The following PTPRK variants were observed in gnomAD, a reference collection of about 807,000 sequenced individuals.
PTPRK encodes protein tyrosine phosphatase receptor type K.
A neutral mutation model predicts 178.0 loss-of-function variants in PTPRK; 75 were observed. That is an observed-to-expected ratio of 0.42 (90% CI 0.35 to 0.51). The LOEUF is 0.51. PTPRK is among the 20% of genes least tolerant of loss of function. The pLI is 0.02. For synonymous variants in PTPRK, 637 were observed against 620.6 expected, an observed-to-expected ratio of 1.03 and a Z score of -0.39; for missense variants, 1,441 against 1,797.8, an observed-to-expected ratio of 0.80 and a Z score of 3.59.
intron 11 of PTPRK, among the ~76,000 whole-genome samples, chr6:128,078,232 T>C (rs1247440046): frequency 6.6e-6 from 1 of 151,992 alleles, no homozygotes; most frequent in Non-Finnish European, 1.5e-5. Context: ...ATCTCAAAAA[T>C]GCCCTTAGAA....
At chr6:128,040,903 A>C (rs1777054676) in intron 13 of PTPRK, among the ~76,000 whole-genome samples, 1 of 152,120 alleles carries the variant, frequency 6.6e-6, no homozygotes, top group Non-Finnish European at 1.5e-5. Context: ...ACAAGATTCC[A>C]AAATTAGAAG....
At chr6:128,298,404 A>C (rs1824896085) in intron 3 of PTPRK, among the ~76,000 whole-genome samples, 1 of 150,996 alleles carries the variant, frequency 6.6e-6, no homozygotes, top group African/African-American at 2.5e-5. Flanking sequence ...CCTGATACCA[A>C]AGCCGGGCAG....
At chr6:128,120,661 T>A (rs536516001) in intron 7 of PTPRK, among the ~76,000 whole-genome samples, 51 of 152,042 alleles carry the variant, frequency 3.4e-4, no homozygotes, top group African/African-American at 1.2e-3. Flanking sequence ...TATTCTTAAC[T>A]GCACAAGAAA....
intron 13 of PTPRK, among the ~76,000 whole-genome samples, chr6:128,059,166 ATTG>A (rs1288554066): frequency 1.3e-5 from 2 of 152,084 alleles, no homozygotes; most frequent in African/African-American, 4.8e-5. Flanking sequence ...TTAGAATCAG[ATTG>A]TTAATTTTTT....
intron 21 of PTPRK, among the ~76,000 whole-genome samples, chr6:127,987,928 A>T (rs2114650334): frequency 6.6e-6 from 1 of 152,248 alleles, no homozygotes; most frequent in Admixed American, 6.5e-5. Context: ...TATTACTATA[A>T]ATATTTTGAA....
In PTPRK at chr6:128,303,881, T is replaced by C. The variant is rs139991349; in HGVS notation, c.495+18158A>G. ...CTGATTATTTCAATTACAACACTCATTTAACAATTATTTGAAGTCTAGATA... is the reference window on the plus strand; with the variant it reads ...CTGATTATTTCAATTACAACACTCACTTAACAATTATTTGAAGTCTAGATA... On this transcript the variant is annotated intron_variant, in intron 3 of 29. Transcript: ENST00000368226. Among the ~76,000 whole-genome samples the C allele has an allele frequency of 4.1e-3, 629 of 152,300 alleles. 4 individuals are homozygous for C. Among genetic ancestry groups the C allele is most frequent in the African/African-American group, 0.015 (603 of 41,564 alleles).
At chr6:128,472,345 CAT>C (rs1306972544) in intron 1 of PTPRK, among the ~76,000 whole-genome samples, 1 of 151,634 alleles carries the variant, frequency 6.6e-6, no homozygotes, top group African/African-American at 2.4e-5. Flanking sequence ...GGTGTGTGCA[CAT>C]GTGTGTTGCT....
intron 13 of PTPRK, among the ~76,000 whole-genome samples, chr6:128,050,149 AATAG>A (rs1370972878): frequency 2.0e-5 from 3 of 152,114 alleles, no homozygotes; most frequent in Non-Finnish European, 2.9e-5. Context: ...GAAAAAAAAA[AATAG>A]ATAGAGCAAA....
intron 7 of PTPRK, among the ~76,000 whole-genome samples, chr6:128,153,208 G>A (rs1383345403): frequency 1.3e-5 from 2 of 151,698 alleles, no homozygotes; most frequent in African/African-American, 4.8e-5. Flanking sequence ...CAAAATCAAA[G>A]AAAGACTAGA....
Position 128,520,359 on chromosome 6 carries a change from G to T in PTPRK, c.-1C>A, listed in dbSNP as rs1282446810. 3.1e-6 allele frequency: 5 copies of T among 1,604,060 alleles called. No homozygotes were observed. Among genetic ancestry groups the T allele is most frequent in the Non-Finnish European group, 4.3e-6 (5 of 1,174,970 alleles). ...GCGCCGCCGCCGCAGTCGTATCCAT[G>T]CCGAGTTTGGGAGAAGTTTCAAGCA... On this transcript the variant is annotated 5_prime_UTR_variant, in exon 1 of 30. Transcript: ENST00000368226.
chr6:128,472,419 C>T (rs1850806456), intron 1 of PTPRK, among the ~76,000 whole-genome samples: 2 of 89,304 alleles, frequency 2.2e-5, no homozygotes, highest in Admixed American at 1.1e-4. Flanking sequence ...GAATTTTTGA[C>T]ACCCCCCCCC....
At chr6:128,041,700 C>T (rs1203168440) in intron 13 of PTPRK, among the ~76,000 whole-genome samples, 2 of 151,498 alleles carry the variant, frequency 1.3e-5, no homozygotes, top group African/African-American at 4.8e-5. Context: ...TTTGAACTGC[C>T]ACTACATATA....
chr6:128,280,071 T>C (rs543272414), intron 3 of PTPRK, among the ~76,000 whole-genome samples: 5 of 152,272 alleles, frequency 3.3e-5, no homozygotes, highest in African/African-American at 1.2e-4. Flanking sequence ...ATGAATAATA[T>C]CAACAGAAAC....
chr6:127,998,458 C>T (rs1362855661), intron 16 of PTPRK, among the ~76,000 whole-genome samples: 1 of 151,510 alleles, frequency 6.6e-6, no homozygotes, highest in Non-Finnish European at 1.5e-5. Context: ...TTTTTTAATA[C>T]CATAGTAAAA....
At chr6:128,382,197 T>C (rs72974031) in intron 2 of PTPRK, among the ~76,000 whole-genome samples, 8,214 of 150,042 alleles carry the variant, frequency 0.055, 276 homozygotes, top group Non-Finnish European at 0.068. Flanking sequence ...TTCAATAATG[T>C]TGAAAGTATT....
intron 7 of PTPRK, among the ~76,000 whole-genome samples, chr6:128,145,766 T>G (rs938213842): frequency 2.6e-5 from 4 of 152,202 alleles, no homozygotes; most frequent in African/African-American, 9.6e-5. Context: ...TAATGTGTAT[T>G]CTATTATCTT....
intron 5 of PTPRK, among the ~76,000 whole-genome samples, chr6:128,233,879 G>C (rs1243561415): frequency 6.6e-6 from 1 of 152,170 alleles, no homozygotes; most frequent in East Asian, 1.9e-4. Flanking sequence ...CTCCACTGTT[G>C]AATTTCTCTG....
chr6:128,094,085 T>C (rs1189478116), intron 7 of PTPRK, among the ~76,000 whole-genome samples: 2 of 152,008 alleles, frequency 1.3e-5, no homozygotes, highest in African/African-American at 2.4e-5. Context: ...TAGAACACAG[T>C]TGGAGAAAAT....
chr6:128,127,027 G>A (rs552838794), intron 7 of PTPRK, among the ~76,000 whole-genome samples: 1 of 151,512 alleles, frequency 6.6e-6, no homozygotes, highest in Non-Finnish European at 1.5e-5. Context: ...TTGCTAATTT[G>A]CAGTGTTGAA....
Sources: allele counts gnomAD v4.1 joint callset (sites outside exome capture counted in the v4.1 genomes callset), GRCh38; gene constraint gnomAD v4.1.1; transcripts MANE v1.5; gene names NCBI Gene and HGNC (gene_info 2026-07-23, HGNC 2026-07-21).